Variants in RBFOX1 observed in about 807,000 individuals in gnomAD.
RBFOX1 encodes RNA binding fox-1 homolog 1, also known as RNA binding protein fox-1 homolog 1.
RBFOX1 carries 8 observed loss-of-function variants against 57.7 expected under a neutral mutation model. The observed-to-expected ratio is 0.14, with a 90% CI of 0.08 to 0.25. The LOEUF is 0.25. Among genes scored for constraint, RBFOX1 ranks in the 10% least tolerant of loss-of-function variants. The pLI, the probability that RBFOX1 is intolerant of heterozygous loss-of-function variation, is 1.00. For missense variants in RBFOX1, 611 were observed against 548.5 expected (o/e 1.11, Z -1.14); for synonymous variants, 326 against 222.4 (o/e 1.47, Z -4.15).
At chr16:7,676,937 C>T (rs763812890) in intron 14 of RBFOX1, 99 bp downstream of exon 14, 4 of 1,248,426 alleles carry the variant, frequency 3.2e-6, no homozygotes, top group Non-Finnish European at 3.5e-6. Context: ...TGCATGACTG[C>T]TGGGGGAGGT....
intron 1 of RBFOX1, among the ~76,000 whole-genome samples, chr16:5,295,603 C>T (rs1320609775): frequency 1.3e-5 from 2 of 152,206 alleles, no homozygotes; most frequent in Admixed American, 1.3e-4. Context: ...TCTTGCTGCC[C>T]TCAGCTTCTT....
intron 2 of RBFOX1, among the ~76,000 whole-genome samples, chr16:6,623,603 C>T (rs1250965350): frequency 6.6e-6 from 1 of 151,770 alleles, no homozygotes; most frequent in Non-Finnish European, 1.5e-5. Context: ...CTGCCCCACA[C>T]CCCACAACAG....
chr16:6,107,768 G>C (rs977144987), intron 1 of RBFOX1, among the ~76,000 whole-genome samples: 3 of 151,338 alleles, frequency 2.0e-5, no homozygotes, highest in Non-Finnish European at 4.4e-5. Context: ...TGGATGGGTG[G>C]GTGGATGGAT....
intron 2 of RBFOX1, among the ~76,000 whole-genome samples, chr16:6,460,381 C>A (rs934883594): frequency 3.3e-5 from 5 of 151,458 alleles, no homozygotes; most frequent in Non-Finnish European, 7.4e-5. Flanking sequence ...CCAGAATCTA[C>A]AAGGAACTTA....
chr16:5,533,973 C>G (rs1426304421), intron 2 of RBFOX1, among the ~76,000 whole-genome samples: 1 of 152,158 alleles, frequency 6.6e-6, no homozygotes, highest in Non-Finnish European at 1.5e-5. Flanking sequence ...GAAGCCCACA[C>G]ATTCGGAGGC....
intron 4 of RBFOX1, among the ~76,000 whole-genome samples, chr16:7,412,093 G>A (rs2098434725): frequency 3.3e-5 from 5 of 152,026 alleles, no homozygotes; most frequent in Non-Finnish European, 7.4e-5. Context: ...TATTCATAGT[G>A]GTTCCTTAGT....
intron 3 of RBFOX1, among the ~76,000 whole-genome samples, chr16:6,827,037 G>A (rs2092240714): frequency 6.6e-6 from 1 of 152,182 alleles, no homozygotes; most frequent in Non-Finnish European, 1.5e-5. Flanking sequence ...GGAGAAAGCA[G>A]TTTGGGGGCA....
intron 2 of RBFOX1, among the ~76,000 whole-genome samples, chr16:6,366,795 A>C (rs2152882627): frequency 6.6e-6 from 1 of 152,280 alleles, no homozygotes; most frequent in East Asian, 1.9e-4. Flanking sequence ...GCAGAGCCAA[A>C]ATTAGGCACC....
chr16:6,942,069 AAATAAT>A (rs963359622), intron 3 of RBFOX1, among the ~76,000 whole-genome samples: 4 of 152,056 alleles, frequency 2.6e-5, no homozygotes, highest in Non-Finnish European at 5.9e-5. Flanking sequence ...TCTTTACTAA[AAATAAT>A]AATAATAATA....
At chr16:5,909,892 A>C (rs535672110) in intron 4 of RBFOX1, among the ~76,000 whole-genome samples, 1 of 152,114 alleles carries the variant, frequency 6.6e-6, no homozygotes, top group South Asian at 2.1e-4. Context: ...GTCTCCACTA[A>C]AAATACAAAA....
chr16:7,426,065 G>C (rs1036735104), intron 4 of RBFOX1, among the ~76,000 whole-genome samples: 1 of 152,212 alleles, frequency 6.6e-6, no homozygotes, highest in African/African-American at 2.4e-5. Context: ...ACTATTAATA[G>C]AAAGGCTTAT....
At chr16:7,686,118 C>A (rs1362868076) in intron 14 of RBFOX1, among the ~76,000 whole-genome samples, 1 of 151,696 alleles carries the variant, frequency 6.6e-6, no homozygotes, top group African/African-American at 2.4e-5. Context: ...GATCCTGACA[C>A]TTAGTTCTCA....
rs1349145162 is a variant in RBFOX1, at chr16:6,450,777, A to ACACATATACATATATATATG, written c.-64+133720_-64+133721insCACATATACATATATATATG. On this transcript the variant is annotated intron_variant, in intron 2 of 15. Coordinates refer to ENST00000550418, the MANE Select transcript of RBFOX1 (RefSeq NM_018723.4). Reference sequence around the variant, plus strand: ...TACATATATATATGTGTATATATATATATATATATATACATATATATATGT... The same window carrying ACACATATACATATATATATG: ...TACATATATATATGTGTATATATATACACATATACATATATATATGTATATATATATACATATATATATGT... 8.6e-4 allele frequency among the ~76,000 whole-genome samples: 34 copies of ACACATATACATATATATATG among 39,532 alleles called. 2 individuals carry two copies. Among genetic ancestry groups the ACACATATACATATATATATG allele is most frequent in the Middle Eastern group, 0.016 (1 of 64 alleles). 25.9% of individuals were successfully genotyped at this position (39,532 alleles called of 152,430 possible). A position where few individuals can be genotyped will look rare whatever the true frequency, so the allele number is the denominator to read the frequency against.
At chr16:7,673,810 T>C (rs1464009146) in intron 13 of RBFOX1, among the ~76,000 whole-genome samples, 1 of 152,206 alleles carries the variant, frequency 6.6e-6, no homozygotes, top group African/African-American at 2.4e-5. Flanking sequence ...TAGAACTATT[T>C]TGTGTTTGTC....
chr16:6,685,195 A>G (rs1172280475), intron 3 of RBFOX1, among the ~76,000 whole-genome samples: 2 of 152,158 alleles, frequency 1.3e-5, no homozygotes, highest in Non-Finnish European at 2.9e-5. Context: ...AACCAAAAAT[A>G]AAGACAGGAG....
chr16:6,817,644 A>G (rs574714415), intron 3 of RBFOX1, among the ~76,000 whole-genome samples: 1 of 151,824 alleles, frequency 6.6e-6, no homozygotes, highest in Non-Finnish European at 1.5e-5. Context: ...AGGAGGTTGC[A>G]GTGAGCTGAG....
intron 2 of RBFOX1, among the ~76,000 whole-genome samples, chr16:5,476,531 C>G (rs1481507562): frequency 1.3e-5 from 2 of 152,196 alleles, no homozygotes; most frequent in Admixed American, 1.3e-4. Context: ...ACAACTGCCT[C>G]AATTTGAAGC....
rs144683627 is a variant in RBFOX1, at chr16:5,795,162, C to T, written c.319-72141C>T. 3.2e-3 allele frequency among the ~76,000 whole-genome samples: 489 copies of T among 152,244 alleles called. 4 individuals carry two copies. The highest frequency in any genetic ancestry group is 0.011 in the African/African-American group (447 of 41,538). On this transcript the variant is annotated intron_variant, in intron 3 of 19. Coordinates refer to the RBFOX1 transcript ENST00000641259. The stretch of plus-strand genomic sequence containing the variant: ...GTAGCGATGGATCTGAAACACCTCA[C>T]GAAAGGCCTAACCCATAAATGTCAA...
At chr16:5,770,397 G>C (rs1484209032) in intron 3 of RBFOX1, among the ~76,000 whole-genome samples, 1 of 152,148 alleles carries the variant, frequency 6.6e-6, no homozygotes, top group South Asian at 2.1e-4. Flanking sequence ...GTAACACCTG[G>C]AAGTTACCTT....
Sources: gnomAD v4.1 joint callset for allele counts (sites outside exome capture counted in the v4.1 genomes callset) on GRCh38, gnomAD v4.1.1 for gene constraint, MANE v1.5 for transcripts, NCBI Gene and HGNC (gene_info 2026-07-23, HGNC 2026-07-21) for gene names.